Variants in HERC4 observed in about 807,000 individuals in gnomAD.
The protein encoded by HERC4 is HECT and RLD domain containing E3 ubiquitin protein ligase 4.
A neutral mutation model predicts 124.3 loss-of-function variants in HERC4; 28 were observed. That is an observed-to-expected ratio of 0.23 (90% CI 0.17 to 0.31). HERC4 has a LOEUF of 0.31. HERC4 is among the 10% of genes least tolerant of loss of function. The probability of loss-of-function intolerance (pLI) is 1.00; values close to 1 mark genes in which losing one functional copy is unlikely to be tolerated. For synonymous variants in HERC4, 407 were observed against 421.5 expected, an observed-to-expected ratio of 0.97 and a Z score of 0.42; for missense variants, 713 against 1,229.3, an observed-to-expected ratio of 0.58 and a Z score of 6.28.
At chr10:68,046,554 C>G (rs143708253) in intron 3 of HERC4, among the ~76,000 whole-genome samples, 24 of 152,288 alleles carry the variant, frequency 1.6e-4, no homozygotes, top group South Asian at 1.0e-3. Context: ...ATAAAATAAG[C>G]GTCCTAGCCC....
At chr10:68,029,452 AC>A (rs1347916021) in intron 7 of HERC4, among the ~76,000 whole-genome samples, 1 of 151,888 alleles carries the variant, frequency 6.6e-6, no homozygotes, top group Non-Finnish European at 1.5e-5. Flanking sequence ...AGATCGCACC[AC>A]TGTACTCCAG....
chr10:67,961,704 T>C (rs776611121), intron 16 of HERC4, among the ~76,000 whole-genome samples: 7 of 152,180 alleles, frequency 4.6e-5, no homozygotes, highest in Non-Finnish European at 7.4e-5. Context: ...TTGACTGAGT[T>C]CCCACGTGTC....
intron 4 of HERC4, among the ~76,000 whole-genome samples, chr10:68,042,064 T>C (rs1207934869): frequency 6.6e-6 from 1 of 152,216 alleles, no homozygotes; most frequent in Non-Finnish European, 1.5e-5. Flanking sequence ...TCGCTTAGGC[T>C]GGAGTGCAGT....
In HERC4 at chr10:68,063,418, C is replaced by G. The variant is rs190741685; in HGVS notation, c.226+9465G>C. ...AGAGACGGGGTCTCACTACACAGGC[C>G]AGGCTGGTCTTGAACTCCTGACCTT... On this transcript the variant is annotated intron_variant, in intron 3 of 24. Transcript: ENST00000373700. Among the ~76,000 whole-genome samples the G allele has an allele frequency of 4.6e-3, 705 of 152,166 alleles. 4 individuals are homozygous for G. The highest frequency in any genetic ancestry group is 0.016 in the African/African-American group (680 of 41,538).
rs180927205 is a variant in HERC4, at chr10:67,929,721, T to C, written c.2838+2876A>G. Among the ~76,000 whole-genome samples the C allele has an allele frequency of 1.8e-3, 277 of 151,996 alleles. 2 individuals carry two copies. The highest frequency in any genetic ancestry group is 6.3e-3 in the African/African-American group (259 of 41,434). Reference sequence around the variant, plus strand: ...GTAGAGACAGGGTTTTATCATGTTGTCCAGGCTGGTCTTGAACTCCTGGGT... The same window carrying C: ...GTAGAGACAGGGTTTTATCATGTTGCCCAGGCTGGTCTTGAACTCCTGGGT... On this transcript the variant is annotated intron_variant, in intron 23 of 24. Transcript: ENST00000373700.
intron 24 of HERC4, among the ~76,000 whole-genome samples, chr10:67,924,018 G>A (rs1333018687): frequency 2.0e-5 from 3 of 151,906 alleles, no homozygotes; most frequent in Admixed American, 2.0e-4. Flanking sequence ...ATTTTATATA[G>A]AAATTGCCAA....
intron 15 of HERC4, among the ~76,000 whole-genome samples, chr10:67,980,361 G>A (rs1284367228): frequency 6.6e-6 from 1 of 151,984 alleles, no homozygotes; most frequent in Admixed American, 6.6e-5. Context: ...TCGAACTCCC[G>A]ACCTCAGGTG....
chr10:68,069,377 TA>T (rs1471881616), intron 3 of HERC4: 60 of 985,002 alleles, frequency 6.1e-5, no homozygotes, highest in Non-Finnish European at 6.7e-5. Flanking sequence ...TCTCTGGAAA[TA>T]ATTCAGAAAA....
intron 3 of HERC4, among the ~76,000 whole-genome samples, chr10:68,065,680 T>C (rs1287680578): frequency 6.6e-6 from 1 of 151,888 alleles, no homozygotes; most frequent in Admixed American, 6.6e-5. Context: ...GGCAAAAGAG[T>C]GGAACCCTGT....
intron 20 of HERC4, among the ~76,000 whole-genome samples, chr10:67,939,918 CTTATT>C (rs199641435): frequency 9.9e-5 from 15 of 151,638 alleles, no homozygotes; most frequent in Admixed American, 3.9e-4. Context: ...AACATTTTTC[CTTATT>C]TTATTTTATT....
intron 3 of HERC4, among the ~76,000 whole-genome samples, chr10:68,064,270 T>C (rs768699670): frequency 6.6e-6 from 1 of 151,116 alleles, no homozygotes; most frequent in Non-Finnish European, 1.5e-5. Context: ...AAGAAAGAAA[T>C]AGGCCGGGTG....
chr10:67,979,476 G>A (rs1446623953), intron 15 of HERC4, among the ~76,000 whole-genome samples: 3 of 151,686 alleles, frequency 2.0e-5, no homozygotes, highest in Non-Finnish European at 4.4e-5. Flanking sequence ...GGCCCAAAAG[G>A]GCAAATCTAA....
At chr10:67,961,854 C>T (rs1292224676) in intron 16 of HERC4, among the ~76,000 whole-genome samples, 2 of 152,028 alleles carry the variant, frequency 1.3e-5, no homozygotes, top group Non-Finnish European at 2.9e-5. Context: ...ATATTATTGA[C>T]AAGAATTTCT....
chr10:68,013,824 A>T (rs2038109688), intron 9 of HERC4, among the ~76,000 whole-genome samples: 1 of 152,200 alleles, frequency 6.6e-6, no homozygotes, highest in South Asian at 2.1e-4. Context: ...TCTGTAAGTA[A>T]CTTTTACTTA....
At chr10:68,025,024 T>C (rs1414441094) in intron 8 of HERC4, among the ~76,000 whole-genome samples, 2 of 152,106 alleles carry the variant, frequency 1.3e-5, no homozygotes, top group Non-Finnish European at 2.9e-5. Context: ...GGAAAAAAGG[T>C]AAGCCTGGGC....
rs142406166 is a variant in HERC4 at position 68,016,138 on chromosome 10, A to G, written c.909-1952T>C. On this transcript the variant is annotated intron_variant, in intron 8 of 24. Coordinates refer to ENST00000373700, the MANE Select transcript of HERC4 (RefSeq NM_015601.4). ...GTATATATGTGTGTGTGATTATAGTATAAAGTGGGGTTCAGAGCCACTGCA... is the reference window on the plus strand; with the variant it reads ...GTATATATGTGTGTGTGATTATAGTGTAAAGTGGGGTTCAGAGCCACTGCA... Among the ~76,000 whole-genome samples the G allele has an allele frequency of 4.6e-5, 7 of 152,178 alleles. No homozygotes were observed. The East Asian group carries it at 1.4e-3, about 29-fold the overall frequency.
At chr10:68,060,435 T>G (rs1268290475) in intron 3 of HERC4, among the ~76,000 whole-genome samples, 2 of 152,128 alleles carry the variant, frequency 1.3e-5, no homozygotes, top group Non-Finnish European at 2.9e-5. Flanking sequence ...GAGATGGAGT[T>G]TCACCATGTT....
intron 15 of HERC4, among the ~76,000 whole-genome samples, chr10:67,981,747 C>T (rs916791302): frequency 6.6e-6 from 1 of 152,086 alleles, no homozygotes; most frequent in East Asian, 1.9e-4. Flanking sequence ...TACTTGAGGC[C>T]AGGAGTTCAA....
chr10:68,050,932 CA>C (rs879511718), intron 3 of HERC4, among the ~76,000 whole-genome samples: 33 of 151,048 alleles, frequency 2.2e-4, no homozygotes, highest in Non-Finnish European at 4.1e-4. Context: ...GAAAGGGATG[CA>C]AAAAAAACTC....
Sources: allele counts gnomAD v4.1 joint callset (sites outside exome capture counted in the v4.1 genomes callset), GRCh38; gene constraint gnomAD v4.1.1; transcripts MANE v1.5; gene names NCBI Gene and HGNC (gene_info 2026-07-23, HGNC 2026-07-21).